PTPRD: variants seen among roughly 807,000 people sequenced by gnomAD.
PTPRD encodes the protein receptor-type tyrosine-protein phosphatase delta.
In PTPRD, 34 loss-of-function variants were observed where a neutral mutation model predicts 214.5. That is an observed-to-expected ratio of 0.16 (90% confidence interval 0.12 to 0.21). The LOEUF (loss-of-function observed/expected upper bound fraction) is 0.21. Ranked by LOEUF, PTPRD falls within the 10% of genes least tolerant of loss-of-function variation. The pLI is 1.00. For missense variants in PTPRD, 2,545 were observed against 2,398.7 expected (o/e 1.06, Z -1.27); for synonymous variants, 1,128 against 845.7 (o/e 1.33, Z -5.79).
At chr9:8,955,866 G>A (rs1353089881) in intron 11 of PTPRD, among the ~76,000 whole-genome samples, 2 of 151,716 alleles carry the variant, frequency 1.3e-5, no homozygotes, top group African/African-American at 4.8e-5. Context: ...TCATGCGTTC[G>A]ACCTACATAT....
chr9:8,695,517 G>A (rs2154385651), intron 12 of PTPRD, among the ~76,000 whole-genome samples: 1 of 151,468 alleles, frequency 6.6e-6, no homozygotes, highest in South Asian at 2.1e-4. Context: ...TCTGTCAATA[G>A]TCTGTTTATA....
chr9:9,680,784 A>T (rs568716162), intron 7 of PTPRD, among the ~76,000 whole-genome samples: 1 of 151,736 alleles, frequency 6.6e-6, no homozygotes, highest in Non-Finnish European at 1.5e-5. Flanking sequence ...AAGAAAAAAA[A>T]AATTGCTGCT....
intron 2 of PTPRD, among the ~76,000 whole-genome samples, chr9:10,530,441 A>G (rs1049590394): frequency 6.6e-6 from 1 of 152,218 alleles, no homozygotes; most frequent in Non-Finnish European, 1.5e-5. Context: ...TCTTGCAAAA[A>G]GTACATTTTT....
At chr9:9,998,129 A>AAAAAAATATATATAT (rs57991748) in intron 4 of PTPRD, among the ~76,000 whole-genome samples, 3 of 91,460 alleles carry the variant, frequency 3.3e-5, no homozygotes, top group South Asian at 3.4e-4. Flanking sequence ...AAAAAAAAAA[A>AAAAAAATATATATAT]ATATATATAT....
chr9:10,507,544 A>C (rs1318941192), intron 2 of PTPRD, among the ~76,000 whole-genome samples: 1 of 152,182 alleles, frequency 6.6e-6, no homozygotes, highest in African/African-American at 2.4e-5. Flanking sequence ...CCTGACTTCA[A>C]ACTATACTAC....
At chr9:9,138,678 A>T (rs2099854945) in intron 10 of PTPRD, among the ~76,000 whole-genome samples, 1 of 152,190 alleles carries the variant, frequency 6.6e-6, no homozygotes, top group African/African-American at 2.4e-5. Context: ...GATTTTACAA[A>T]TTGAACGTTA....
At position 8,383,306 on chromosome 9, in the gene PTPRD, T is replaced by C. The variant is rs550943022; in HGVS notation, c.4386+5926A>G. Among the ~76,000 whole-genome samples, 3 of 152,208 alleles carry C rather than the reference T, an allele frequency of 2.0e-5. No homozygotes were observed. The South Asian group carries it at 6.2e-4, about 32-fold the overall frequency. On this transcript the variant is annotated intron_variant, in intron 37 of 45. Coordinates refer to ENST00000381196, the MANE Select transcript of PTPRD (RefSeq NM_002839.4). ...TGACATTCAAGGACTGGGGAAGACA[T>C]AGGAGGAGGAGTGAGTGGTCATTAG...
In PTPRD at chr9:10,144,242, T is replaced by C. The variant is rs575127818; in HGVS notation, c.-544-110452A>G. On this transcript the variant is annotated intron_variant, in intron 3 of 45. Coordinates refer to ENST00000381196, the MANE Select transcript of PTPRD (RefSeq NM_002839.4). The stretch of plus-strand genomic sequence containing the variant: ...TTAGATCAGTGCAGTCATTATAAAC[T>C]ATTTCAAAAAATTCTTTAATACTCT... Among the ~76,000 whole-genome samples the C allele has an allele frequency of 2.6e-5, 4 of 152,230 alleles. No individual in the cohort carries two copies. The South Asian group carries it at 8.3e-4, about 32-fold the overall frequency.
intron 7 of PTPRD, among the ~76,000 whole-genome samples, chr9:9,697,944 T>C (rs2097413556): frequency 6.6e-6 from 1 of 152,206 alleles, no homozygotes. Context: ...GAGACTTTAA[T>C]GACTTTTTCA....
chr9:9,020,230 A>C (rs564242896), intron 10 of PTPRD, among the ~76,000 whole-genome samples: 1 of 152,206 alleles, frequency 6.6e-6, no homozygotes, highest in Non-Finnish European at 1.5e-5. Context: ...AGCTCTAAAA[A>C]AGTGGAAGGA....
chr9:8,600,053 C>T (rs1052674687), intron 14 of PTPRD, among the ~76,000 whole-genome samples: 9 of 152,210 alleles, frequency 5.9e-5, no homozygotes, highest in Admixed American at 5.9e-4. Flanking sequence ...CCTCCCCCAT[C>T]CCCTGGCTGC....
chr9:9,973,388 C>T (rs189471038), intron 4 of PTPRD, among the ~76,000 whole-genome samples: 15 of 151,442 alleles, frequency 9.9e-5, no homozygotes, highest in African/African-American at 3.4e-4. Context: ...CGGAGGGTTA[C>T]TTAACCCAGG....
intron 5 of PTPRD, among the ~76,000 whole-genome samples, chr9:9,831,578 T>G (rs899572672): frequency 6.6e-6 from 1 of 151,900 alleles, no homozygotes; most frequent in Non-Finnish European, 1.5e-5. Context: ...CCTGTAGGAG[T>G]TGACTTGCAA....
chr9:10,368,023 T>C (rs370779203), intron 2 of PTPRD, among the ~76,000 whole-genome samples: 12 of 152,284 alleles, frequency 7.9e-5, no homozygotes, highest in African/African-American at 2.6e-4. Context: ...ATCTAACTTA[T>C]ATCTAATAGT....
chr9:8,347,703 A>C (rs2074262496), intron 39 of PTPRD, among the ~76,000 whole-genome samples: 1 of 152,152 alleles, frequency 6.6e-6, no homozygotes, highest in Admixed American at 6.5e-5. Flanking sequence ...ATGAAGTCAC[A>C]AGGTGGGAGC....
At chr9:9,115,788 G>C (rs1338619377) in intron 10 of PTPRD, among the ~76,000 whole-genome samples, 1 of 152,090 alleles carries the variant, frequency 6.6e-6, no homozygotes, top group Non-Finnish European at 1.5e-5. Flanking sequence ...GTTCATCAAA[G>C]CACTACTCAG....
chr9:9,839,239 T>C (rs1239284462), intron 5 of PTPRD, among the ~76,000 whole-genome samples: 3 of 152,060 alleles, frequency 2.0e-5, no homozygotes, highest in African/African-American at 7.2e-5. Flanking sequence ...GGGTATTCAA[T>C]TAGGAAAAGA....
chr9:10,008,646 T>C (rs1291609405), intron 4 of PTPRD, among the ~76,000 whole-genome samples: 2 of 151,782 alleles, frequency 1.3e-5, no homozygotes, highest in African/African-American at 2.4e-5. Context: ...TCCTTCCTTA[T>C]TTCAAGTGTC....
chr9:8,907,372 G>A (rs1453656163), intron 11 of PTPRD, among the ~76,000 whole-genome samples: 1 of 151,760 alleles, frequency 6.6e-6, no homozygotes, highest in Non-Finnish European at 1.5e-5. Flanking sequence ...GGAGAAATTA[G>A]CTAGGCATGG....
Sources: allele counts gnomAD v4.1 joint callset (sites outside exome capture counted in the v4.1 genomes callset), GRCh38; gene constraint gnomAD v4.1.1; transcripts MANE v1.5; gene names NCBI Gene and HGNC (gene_info 2026-07-23, HGNC 2026-07-21).